The following ATRX variants were observed in gnomAD, a reference collection of about 807,000 sequenced individuals.
ATRX encodes the protein ATRX chromatin remodeler.
ATRX carries 12 observed loss-of-function variants against 172.6 expected under a neutral mutation model. The ratio of observed to expected loss-of-function variants is 0.07; its 90% confidence interval spans 0.04 to 0.11. The LOEUF is 0.11. Ranked by LOEUF, ATRX falls within the 10% of genes least tolerant of loss-of-function variation. The pLI, the probability that ATRX is intolerant of heterozygous loss-of-function variation, is 1.00. For missense variants in ATRX, 1,368 were observed against 1,767.4 expected (o/e 0.77, Z 4.05); for synonymous variants, 674 against 594.7 (o/e 1.13, Z -1.94).
intron 1 of ATRX, among the ~76,000 whole-genome samples, chrX:77,759,370 AC>A (rs2075633217): frequency 9.0e-6 from 1 of 110,682 alleles, no homozygotes; most frequent in Non-Finnish European, 1.9e-5. Flanking sequence ...AAAAAAAAAA[AC>A]AACAACTATC....
chrX:77,548,809 A>C lies in ATRX; in HGVS notation c.6699+8642T>G, dbSNP rs1297535206. 3.6e-5 allele frequency among the ~76,000 whole-genome samples: 4 copies of C among 112,315 alleles called. No individual in the cohort carries two copies. In the Admixed American group the frequency reaches 3.8e-4, roughly 11 times the overall value. ...CTTTGAAGTATTAAAGTTTGAATAC[A>C]GGACTAAAGAAAGGGGAGAACACTG... On this transcript the variant is annotated intron_variant, in intron 30 of 34. Transcript: ENST00000373344.
intron 2 of ATRX, 100 bp downstream of exon 2, chrX:77,717,031 T>C (rs1450530989): frequency 2.8e-6 from 2 of 720,129 alleles, no homozygotes; most frequent in African/African-American, 4.3e-5. Context: ...AAATCTCTTT[T>C]AAAAGCTGCT....
Position 77,636,069 on chromosome X carries a change from G to A in ATRX, c.4558-13C>T, listed in dbSNP as rs1232911652. The A allele has an allele frequency of 1.4e-5, 17 of 1,206,842 alleles. No individual in the cohort carries two copies. Among genetic ancestry groups the A allele is most frequent in the Non-Finnish European group, 1.8e-5 (16 of 892,821 alleles). On this transcript the variant is annotated splice_polypyrimidine_tract_variant and intron_variant, in intron 15 of 34. Coordinates refer to ENST00000373344, the MANE Select transcript of ATRX (RefSeq NM_000489.6). Reference sequence around the variant, plus strand: ...CAATTTCTATCACCTACAAGAAAAGGAGTTGTTGATAGTTAAGCTCAAAGA... The same window carrying A: ...CAATTTCTATCACCTACAAGAAAAGAAGTTGTTGATAGTTAAGCTCAAAGA...
At chrX:77,783,857 T>C (rs373447454) in intron 1 of ATRX, among the ~76,000 whole-genome samples, 3 of 112,016 alleles carry the variant, frequency 2.7e-5, no homozygotes, top group African/African-American at 9.7e-5. Context: ...ATTCCCTACA[T>C]GCATATATGC....
At chrX:77,721,440 C>T (rs2073764760) in intron 1 of ATRX, among the ~76,000 whole-genome samples, 1 of 112,013 alleles carries the variant, frequency 8.9e-6, no homozygotes, top group Non-Finnish European at 1.9e-5. Context: ...CATCTCAGCC[C>T]AAAATCTCCT....
chrX:77,562,482 C>T (rs1194864352), intron 28 of ATRX, among the ~76,000 whole-genome samples: 4 of 111,366 alleles, frequency 3.6e-5, no homozygotes, highest in African/African-American at 1.3e-4. Flanking sequence ...TTAATGTTGT[C>T]ACTATTTTTT....
At chrX:77,593,882 A>C in intron 25 of ATRX, 33 bp from the exon 26 acceptor site, 1 of 1,170,630 alleles carries the variant, frequency 8.5e-7, no homozygotes, top group Non-Finnish European at 1.2e-6. Flanking sequence ...AAGTAGGTAA[A>C]TTAGAAAAGA....
chrX:77,657,969 G>A (rs868991866), intron 12 of ATRX, among the ~76,000 whole-genome samples: 47 of 111,932 alleles, frequency 4.2e-4, no homozygotes, highest in African/African-American at 1.4e-3. Flanking sequence ...AGCCCTTTGG[G>A]AGGCCAAGTT....
At chrX:77,719,352 C>A (rs1379618541) in intron 1 of ATRX, among the ~76,000 whole-genome samples, 1 of 111,326 alleles carries the variant, frequency 9.0e-6, no homozygotes, top group Non-Finnish European at 1.9e-5. Flanking sequence ...AAAAAATGCT[C>A]AAGATCATTA....
At position 77,505,483 on chromosome X, in the gene ATRX, C is replaced by A. The variant is rs2147450472; in HGVS notation, c.*2868G>T. The A allele has an allele frequency of 1.7e-5, 3 of 172,962 alleles. No individual in the cohort carries two copies. Among genetic ancestry groups the A allele is most frequent in the Non-Finnish European group, 2.2e-5 (2 of 90,780 alleles). The allele number at this position is 172,962 out of a possible 1,213,427, so 14.3% of individuals were successfully genotyped here. A position where few individuals can be genotyped will look rare whatever the true frequency, so the allele number is the denominator to read the frequency against. ...TACACAAAGACATCCAAAACTAACACAAACACACATGGACTTCCTGGTATG... is the reference window on the plus strand; with the variant it reads ...TACACAAAGACATCCAAAACTAACAAAAACACACATGGACTTCCTGGTATG... On this transcript the variant is annotated 3_prime_UTR_variant, in exon 35 of 35. Transcript: ENST00000373344.
intron 10 of ATRX, among the ~76,000 whole-genome samples, chrX:77,671,168 ATAT>A (rs1234298978): frequency 0.011 from 96 of 8,501 alleles, 1 homozygote; most frequent in African/African-American, 0.013. Flanking sequence ...AAAAAAAAAA[ATAT>A]ATATATATAT....
At chrX:77,565,865 A>AT (rs2065180961) in intron 28 of ATRX, among the ~76,000 whole-genome samples, 1 of 110,629 alleles carries the variant, frequency 9.0e-6, no homozygotes, top group Non-Finnish European at 1.9e-5. Flanking sequence ...AAAAAAAAAA[A>AT]AATTAGAACT....
intron 1 of ATRX, among the ~76,000 whole-genome samples, chrX:77,765,017 A>C (rs2075857917): frequency 9.0e-6 from 1 of 110,935 alleles, no homozygotes; most frequent in Admixed American, 9.7e-5. Context: ...CTCTACAAAA[A>C]TTAGTCAGGT....
chrX:77,767,688 C>T (rs2076022035), intron 1 of ATRX, among the ~76,000 whole-genome samples: 1 of 111,547 alleles, frequency 9.0e-6, no homozygotes, highest in Admixed American at 9.6e-5. Context: ...AGCCCCAGTG[C>T]CCAGCCCCAA....
chrX:77,622,918 G>T (rs1557100882), intron 19 of ATRX, among the ~76,000 whole-genome samples: 1 of 110,154 alleles, frequency 9.1e-6, no homozygotes, highest in African/African-American at 3.3e-5. Context: ...AGTGCTAAGA[G>T]GAAAGTTCAT....
chrX:77,713,884 C>T (rs143095115), intron 2 of ATRX, among the ~76,000 whole-genome samples: 337 of 111,614 alleles, frequency 3.0e-3, no homozygotes, highest in Middle Eastern at 9.2e-3. Context: ...ACATATCACT[C>T]CCATAACTGT....
intron 30 of ATRX, among the ~76,000 whole-genome samples, chrX:77,538,637 A>C (rs1198726406): frequency 2.7e-5 from 3 of 111,896 alleles, no homozygotes; most frequent in African/African-American, 9.7e-5. Flanking sequence ...AGAAATTTTT[A>C]AATTAAAAAA....
At chrX:77,538,033 G>C (rs782432834) in intron 30 of ATRX, among the ~76,000 whole-genome samples, 1 of 110,118 alleles carries the variant, frequency 9.1e-6, no homozygotes, top group Non-Finnish European at 1.9e-5. Flanking sequence ...AGGGACTGTC[G>C]GGGTGAGGGT....
chrX:77,587,566 G>C (rs2066074088), intron 27 of ATRX, among the ~76,000 whole-genome samples: 1 of 111,962 alleles, frequency 8.9e-6, no homozygotes, highest in Non-Finnish European at 1.9e-5. Flanking sequence ...AAGGATGCCA[G>C]CTCTTGCCAC....
Sources: gnomAD v4.1 joint callset for allele counts (sites outside exome capture counted in the v4.1 genomes callset) on GRCh38, gnomAD v4.1.1 for gene constraint, MANE v1.5 for transcripts, NCBI Gene and HGNC (gene_info 2026-07-23, HGNC 2026-07-21) for gene names.